Variants in SLC27A6 observed in about 807,000 individuals in gnomAD.
SLC27A6 encodes long-chain fatty acid transport protein 6.
SLC27A6 carries 74 observed loss-of-function variants against 63.9 expected under a neutral mutation model. That is an observed-to-expected ratio of 1.16 (90% CI 0.96 to 1.40). SLC27A6 has a LOEUF of 1.40. SLC27A6 is among the 40% of genes most tolerant of loss of function. The pLI is 0.00. For missense variants in SLC27A6, 794 were observed against 732.9 expected, an observed-to-expected ratio of 1.08 and a Z score of -0.96; for synonymous variants, 287 against 260.8, an observed-to-expected ratio of 1.10 and a Z score of -0.97.
intron 9 of SLC27A6, among the ~76,000 whole-genome samples, chr5:129,031,381 G>A (rs1252887269): frequency 6.6e-6 from 1 of 151,958 alleles, no homozygotes. Context: ...TTAAAAAATG[G>A]AAGAAGCCTT....
intron 2 of SLC27A6, among the ~76,000 whole-genome samples, chr5:128,987,838 T>C (rs1363851494): frequency 2.6e-5 from 4 of 151,442 alleles, no homozygotes; most frequent in Non-Finnish European, 2.9e-5. Flanking sequence ...AGAACAGAAA[T>C]AAGGAAGGAA....
chr5:129,023,872 A>T (rs1396858536), intron 6 of SLC27A6, among the ~76,000 whole-genome samples, 162 bp downstream of exon 6: 1 of 152,120 alleles, frequency 6.6e-6, no homozygotes, highest in East Asian at 1.9e-4. Context: ...TTTGCCTATG[A>T]GGTGTGCACA....
chr5:129,023,598 T>G (rs760089727), intron 5 of SLC27A6, 22 bp from the exon 6 acceptor site: 2 of 1,532,036 alleles, frequency 1.3e-6, no homozygotes, highest in Non-Finnish European at 8.9e-7. Context: ...TGTTTCTATT[T>G]GTTTGATTTT....
intron 1 of SLC27A6, among the ~76,000 whole-genome samples, chr5:128,970,107 A>G (rs1024270943): frequency 6.8e-6 from 1 of 148,006 alleles, no homozygotes; most frequent in African/African-American, 2.5e-5. Flanking sequence ...CATCCCAGGG[A>G]TGAAGCCCAC....
chr5:128,972,056 A>G, intron 1 of SLC27A6, among the ~76,000 whole-genome samples: 1 of 152,126 alleles, frequency 6.6e-6, no homozygotes, highest in Non-Finnish European at 1.5e-5. Context: ...TTCTGGGTTG[A>G]AAATTGTTTT....
chr5:128,971,699 G>C (rs1750171299), intron 1 of SLC27A6, among the ~76,000 whole-genome samples: 1 of 152,022 alleles, frequency 6.6e-6, no homozygotes, highest in African/African-American at 2.4e-5. Context: ...ACACTGATGG[G>C]TCTTGACTCT....
chr5:129,028,446 T>G lies in SLC27A6; in HGVS notation c.1552+4T>G. The stretch of plus-strand genomic sequence containing the variant: ...GTCTATGGTGTGGCTATATCAGGTA[T>G]AAATATATTTCAGATTTTGGAAAGA... On this transcript the variant is annotated splice_donor_region_variant and intron_variant, in intron 8 of 9. Coordinates refer to ENST00000262462, the MANE Select transcript of SLC27A6 (RefSeq NM_001017372.3). 1 of 1,535,092 alleles carries G rather than the reference T, an allele frequency of 6.5e-7. No homozygotes were observed. The highest frequency in any genetic ancestry group is 9.0e-7 in the Non-Finnish European group (1 of 1,115,300).
chr5:128,970,159 G>A (rs62399673), intron 1 of SLC27A6, among the ~76,000 whole-genome samples: 30,690 of 142,578 alleles, frequency 0.22, 4,073 homozygotes, highest in Middle Eastern at 0.32. Context: ...TGCTGGATTT[G>A]GTTTGCCAGT....
intron 5 of SLC27A6, among the ~76,000 whole-genome samples, chr5:129,018,776 A>T (rs1165026096): frequency 6.6e-6 from 1 of 152,144 alleles, no homozygotes; most frequent in South Asian, 2.1e-4. Flanking sequence ...AATAACGTCA[A>T]TCATATAAAA....
chr5:128,979,472 A>T (rs1270017871), intron 1 of SLC27A6, among the ~76,000 whole-genome samples: 1 of 152,184 alleles, frequency 6.6e-6, no homozygotes, highest in Non-Finnish European at 1.5e-5. Flanking sequence ...CTACCTTAGT[A>T]TTCACTGCGT....
At chr5:128,977,794 T>C (rs1012385968) in intron 1 of SLC27A6, among the ~76,000 whole-genome samples, 8 of 152,228 alleles carry the variant, frequency 5.3e-5, no homozygotes, top group African/African-American at 1.9e-4. Context: ...AGTATTCTTA[T>C]TTATCATCAG....
At chr5:128,995,933 C>A (rs558813918) in intron 4 of SLC27A6, among the ~76,000 whole-genome samples, 3 of 152,036 alleles carry the variant, frequency 2.0e-5, no homozygotes, top group Non-Finnish European at 2.9e-5. Flanking sequence ...TGGGTAGAAT[C>A]AAGGATAAGT....
At chr5:128,991,310 G>A (rs375957890) in intron 4 of SLC27A6, among the ~76,000 whole-genome samples, 2 of 152,084 alleles carry the variant, frequency 1.3e-5, no homozygotes, top group African/African-American at 2.4e-5. Flanking sequence ...ATTCTTAGTC[G>A]GCCTAGGAAA....
chr5:129,009,910 C>T (rs1192656292), intron 4 of SLC27A6, among the ~76,000 whole-genome samples: 1 of 152,194 alleles, frequency 6.6e-6, no homozygotes, highest in Non-Finnish European at 1.5e-5. Context: ...TTCCTGATCT[C>T]AGGCAATCCA....
In SLC27A6 at chr5:128,990,320, G is replaced by C; in HGVS notation, c.845-20G>C. On this transcript the variant is annotated intron_variant, in intron 3 of 9. Coordinates refer to ENST00000262462, the MANE Select transcript of SLC27A6 (RefSeq NM_001017372.3). ...CTTTGAATTTTTTTCCCTAGTGCCT[G>C]TTTTTGTCTTTTCTTATAGGTGCCA... The C allele has an allele frequency of 6.2e-7, 1 of 1,607,318 alleles. No homozygotes were observed. Among genetic ancestry groups the C allele is most frequent in the Non-Finnish European group, 8.5e-7 (1 of 1,178,288 alleles).
chr5:129,007,684 C>T (rs1317642911), intron 4 of SLC27A6, among the ~76,000 whole-genome samples: 1 of 151,930 alleles, frequency 6.6e-6, no homozygotes, highest in East Asian at 1.9e-4. Context: ...ATCCATCTCC[C>T]TCTCCTCAAT....
intron 4 of SLC27A6, among the ~76,000 whole-genome samples, chr5:128,992,115 TGCCC>T: frequency 2.1e-5 from 3 of 142,728 alleles, no homozygotes; most frequent in Admixed American, 1.4e-4. Flanking sequence ...AGTAGGATAT[TGCCC>T]TACGTGGGGT....
intron 7 of SLC27A6, 117 bp downstream of exon 7, chr5:129,027,448 A>C: frequency 2.8e-6 from 2 of 711,286 alleles, no homozygotes; most frequent in Non-Finnish European, 4.8e-6. Context: ...TTTTATCTCC[A>C]TGTCTCCTCA....
chr5:128,991,026 A>G (rs533873429), intron 4 of SLC27A6, among the ~76,000 whole-genome samples: 2 of 152,312 alleles, frequency 1.3e-5, no homozygotes, highest in African/African-American at 4.8e-5. Context: ...CAGTTGCAAG[A>G]TTTAATAGAG....
Sources: allele counts gnomAD v4.1 joint callset (sites outside exome capture counted in the v4.1 genomes callset), GRCh38; gene constraint gnomAD v4.1.1; transcripts MANE v1.5; gene names NCBI Gene and HGNC (gene_info 2026-07-23, HGNC 2026-07-21).